The following SDK1 variants were observed in gnomAD, a reference collection of about 807,000 sequenced individuals.
SDK1 encodes the protein protein sidekick-1.
SDK1 carries 157 observed loss-of-function variants against 245.5 expected under a neutral mutation model. The observed-to-expected ratio is 0.64, with a 90% confidence interval of 0.56 to 0.73. SDK1 has a LOEUF of 0.73. Ranked by LOEUF, SDK1 falls within the 30% of genes least tolerant of loss-of-function variation. The probability of loss-of-function intolerance (pLI) is 0.00; values close to 1 mark genes in which losing one functional copy is unlikely to be tolerated. For missense variants in SDK1, 3,583 were observed against 3,002.3 expected, an observed-to-expected ratio of 1.19 and a Z score of -4.52; for synonymous variants, 1,647 against 1,278.5, an observed-to-expected ratio of 1.29 and a Z score of -6.15.
chr7:3,388,107 T>C (rs1215780591), intron 1 of SDK1, among the ~76,000 whole-genome samples: 6 of 152,228 alleles, frequency 3.9e-5, no homozygotes, highest in Admixed American at 2.6e-4. Flanking sequence ...TTCTCAGTTC[T>C]GGCTCTGTGA....
intron 1 of SDK1, among the ~76,000 whole-genome samples, chr7:3,607,303 C>T (rs1781454790): frequency 1.3e-5 from 2 of 152,154 alleles, no homozygotes; most frequent in East Asian, 1.9e-4. Flanking sequence ...ATACATAAAT[C>T]ACTACAACTT....
At chr7:4,030,783 C>G (rs1022233276) in intron 17 of SDK1, among the ~76,000 whole-genome samples, 1 of 152,214 alleles carries the variant, frequency 6.6e-6, no homozygotes, top group Non-Finnish European at 1.5e-5. Flanking sequence ...TTTCATCTGG[C>G]AATTATCACT....
intron 1 of SDK1, among the ~76,000 whole-genome samples, chr7:3,540,463 G>T (rs1243012815): frequency 1.3e-5 from 2 of 152,052 alleles, no homozygotes; most frequent in African/African-American, 2.4e-5. Flanking sequence ...AGGGGCAAGT[G>T]GAAGAAAAAT....
chr7:4,112,399 G>A (rs1018984650), intron 23 of SDK1, among the ~76,000 whole-genome samples: 18 of 152,140 alleles, frequency 1.2e-4, no homozygotes, highest in East Asian at 3.9e-4. Flanking sequence ...CGCAGCTTGC[G>A]TTTTCCTTGT....
chr7:3,492,244 T>A (rs1182567059), intron 1 of SDK1, among the ~76,000 whole-genome samples: 2 of 152,182 alleles, frequency 1.3e-5, no homozygotes, highest in Non-Finnish European at 2.9e-5. Flanking sequence ...TAGGGGAGAT[T>A]TGTGAATTTT....
chr7:3,344,623 C>G (rs1362110368), intron 1 of SDK1, among the ~76,000 whole-genome samples: 1 of 152,078 alleles, frequency 6.6e-6, no homozygotes, highest in African/African-American at 2.4e-5. Context: ...AATGTTAAAA[C>G]TGCATTACCA....
chr7:3,582,493 G>A, intron 1 of SDK1, among the ~76,000 whole-genome samples: 1 of 151,920 alleles, frequency 6.6e-6, no homozygotes, highest in Non-Finnish European at 1.5e-5. Flanking sequence ...CCCTCAGGTA[G>A]GCCTCCACTC....
At chr7:3,323,550 A>T (rs1048131642) in intron 1 of SDK1, among the ~76,000 whole-genome samples, 2 of 152,198 alleles carry the variant, frequency 1.3e-5, no homozygotes, top group Non-Finnish European at 2.9e-5. Flanking sequence ...TCTTGCTGGC[A>T]GTCAGCTGGG....
At chr7:3,930,350 C>A (rs930969876) in intron 5 of SDK1, among the ~76,000 whole-genome samples, 1 of 152,206 alleles carries the variant, frequency 6.6e-6, no homozygotes, top group Non-Finnish European at 1.5e-5. Context: ...AGTGGAAATG[C>A]AGGGTCTTGA....
At chr7:3,443,958 G>C (rs1780270289) in intron 1 of SDK1, among the ~76,000 whole-genome samples, 1 of 152,190 alleles carries the variant, frequency 6.6e-6, no homozygotes, top group Non-Finnish European at 1.5e-5. Flanking sequence ...AATAACAAAA[G>C]AGCATTATTT....
chr7:4,202,384 C>T (rs1374630420), intron 35 of SDK1, among the ~76,000 whole-genome samples: 1 of 152,228 alleles, frequency 6.6e-6, no homozygotes, highest in Non-Finnish European at 1.5e-5. Flanking sequence ...CTTCTGCTAC[C>T]TGCCATTTTC....
At chr7:3,579,150 A>G (rs958398721) in intron 1 of SDK1, among the ~76,000 whole-genome samples, 5 of 152,118 alleles carry the variant, frequency 3.3e-5, no homozygotes, top group African/African-American at 4.8e-5. Flanking sequence ...ATTCCAATAA[A>G]TTGAGGAGGA....
At chr7:3,491,954 C>T (rs1781875165) in intron 1 of SDK1, among the ~76,000 whole-genome samples, 1 of 152,088 alleles carries the variant, frequency 6.6e-6, no homozygotes, top group Non-Finnish European at 1.5e-5. Context: ...TACAGGTGTT[C>T]ATATAAAACA....
chr7:3,493,114 C>T (rs1021040614), intron 1 of SDK1, among the ~76,000 whole-genome samples: 1 of 152,022 alleles, frequency 6.6e-6, no homozygotes, highest in African/African-American at 2.4e-5. Context: ...CCAAGCCTGG[C>T]TAATTTTTTT....
chr7:3,355,344 C>G (rs1177025325), intron 1 of SDK1, among the ~76,000 whole-genome samples: 1 of 152,154 alleles, frequency 6.6e-6, no homozygotes, highest in African/African-American at 2.4e-5. Flanking sequence ...GAGATGGGGT[C>G]TTGCTTTGTT....
At chr7:3,630,780 A>C (rs1282291086) in intron 2 of SDK1, among the ~76,000 whole-genome samples, 2 of 151,892 alleles carry the variant, frequency 1.3e-5, no homozygotes, top group African/African-American at 4.9e-5. Flanking sequence ...GGGCAGATAC[A>C]CTGTGTTTAT....
intron 1 of SDK1, among the ~76,000 whole-genome samples, chr7:3,369,365 G>A (rs1781167718): frequency 6.6e-6 from 1 of 152,146 alleles, no homozygotes; most frequent in Non-Finnish European, 1.5e-5. Flanking sequence ...TACTGAAACA[G>A]TCATGCTTGT....
At chr7:4,199,952 G>A (rs866440595) in intron 35 of SDK1, among the ~76,000 whole-genome samples, 26 of 152,078 alleles carry the variant, frequency 1.7e-4, no homozygotes, top group African/African-American at 4.3e-4. Context: ...AAAATTAGCC[G>A]GGTGTGGTGG....
intron 1 of SDK1, among the ~76,000 whole-genome samples, chr7:3,334,919 A>C (rs560620039): frequency 1.3e-5 from 2 of 152,144 alleles, no homozygotes; most frequent in South Asian, 4.2e-4. Flanking sequence ...CTCCCATTTT[A>C]ATAAGTGGCT....
Sources: allele counts gnomAD v4.1 joint callset (sites outside exome capture counted in the v4.1 genomes callset), GRCh38; gene constraint gnomAD v4.1.1; transcripts MANE v1.5; gene names NCBI Gene and HGNC (gene_info 2026-07-23, HGNC 2026-07-21).